Variants in RHOA observed in about 807,000 individuals in gnomAD.
RHOA encodes ras homolog family member A, also known as transforming protein RhoA.
In RHOA, 3 loss-of-function variants were observed where a neutral mutation model predicts 17.5. The ratio of observed to expected loss-of-function variants is 0.17; its 90% CI spans 0.08 to 0.44. The LOEUF is 0.44. Among genes scored for constraint, RHOA ranks in the 20% least tolerant of loss-of-function variants. The pLI is 0.99. For synonymous variants in RHOA, 98 were observed against 88.4 expected (o/e 1.11, Z -0.61); for missense variants, 56 against 242.3 (o/e 0.23, Z 5.10).
intron 1 of RHOA, among the ~76,000 whole-genome samples, chr3:49,396,242 TG>T (rs1559513674): frequency 6.6e-6 from 1 of 152,070 alleles, no homozygotes; most frequent in Non-Finnish European, 1.5e-5. Flanking sequence ...TGAGAAAACG[TG>T]GGCACTGAGA....
chr3:49,403,596 G>A (rs2048763639), intron 1 of RHOA, among the ~76,000 whole-genome samples: 1 of 151,274 alleles, frequency 6.6e-6, no homozygotes, highest in African/African-American at 2.4e-5. Context: ...GCGTGGTGGT[G>A]CACACCTGCA....
intron 1 of RHOA, among the ~76,000 whole-genome samples, chr3:49,384,605 C>G (rs1483813899): frequency 6.6e-6 from 1 of 151,942 alleles, no homozygotes; most frequent in Non-Finnish European, 1.5e-5. Flanking sequence ...CTCCCAGGCT[C>G]AGGTAATCCT....
intron 1 of RHOA, among the ~76,000 whole-genome samples, chr3:49,394,807 G>A (rs1171786565): frequency 6.6e-6 from 1 of 152,172 alleles, no homozygotes; most frequent in African/African-American, 2.4e-5. Context: ...AAGTGATTCT[G>A]CCAGAGAGCT....
At chr3:49,368,888 T>C (rs914135663) in intron 2 of RHOA, among the ~76,000 whole-genome samples, 7 of 151,130 alleles carry the variant, frequency 4.6e-5, no homozygotes, top group Non-Finnish European at 7.4e-5. Context: ...TTTGTATTTT[T>C]AGTAGAGACG....
At chr3:49,373,418 CAT>C (rs2048176972) in intron 2 of RHOA, 1 of 156,920 alleles carries the variant, frequency 6.4e-6, no homozygotes, top group Non-Finnish European at 1.4e-5. Flanking sequence ...GTGTTAGCAG[CAT>C]ATGAGACATA....
chr3:49,371,850 G>T (rs1170093867), intron 2 of RHOA, among the ~76,000 whole-genome samples: 1 of 152,162 alleles, frequency 6.6e-6, no homozygotes, highest in Non-Finnish European at 1.5e-5. Context: ...CAAGATTCTG[G>T]TTGTTCCAAG....
intron 2 of RHOA, among the ~76,000 whole-genome samples, chr3:49,374,140 G>A (rs1012245907): frequency 2.0e-5 from 3 of 150,852 alleles, no homozygotes; most frequent in African/African-American, 7.3e-5. Context: ...CACAAGATCA[G>A]GAGATCGAGA....
At chr3:49,367,612 C>A (rs2048080387) in intron 3 of RHOA, among the ~76,000 whole-genome samples, 1 of 151,730 alleles carries the variant, frequency 6.6e-6, no homozygotes, top group Non-Finnish European at 1.5e-5. Flanking sequence ...ACTTCTGCTT[C>A]CCAGGCTCAA....
At chr3:49,387,117 C>CAAAAA (rs56262356) in intron 1 of RHOA, among the ~76,000 whole-genome samples, 13 of 24,642 alleles carry the variant, frequency 5.3e-4, no homozygotes, top group African/African-American at 7.1e-4. Context: ...AACTCCGTCT[C>CAAAAA]AAAAAAAAAA....
At chr3:49,403,478 G>A (rs1451488759) in intron 1 of RHOA, among the ~76,000 whole-genome samples, 1 of 152,096 alleles carries the variant, frequency 6.6e-6, no homozygotes, top group East Asian at 1.9e-4. Flanking sequence ...GCTTTGTGAG[G>A]TTGAGACGAG....
intron 1 of RHOA, among the ~76,000 whole-genome samples, chr3:49,386,915 C>A (rs1306089987): frequency 1.4e-5 from 2 of 146,878 alleles, no homozygotes; most frequent in African/African-American, 5.1e-5. Flanking sequence ...GAAATCGAGA[C>A]CAGTCTGGCC....
At chr3:49,399,166 A>G (rs1185543) in intron 1 of RHOA, among the ~76,000 whole-genome samples, 2 of 151,174 alleles carry the variant, frequency 1.3e-5, no homozygotes, top group Non-Finnish European at 2.9e-5. Context: ...TCAGGAGATC[A>G]AGACCACCCT....
chr3:49,411,665 C>A (rs2048939343), intron 1 of RHOA, among the ~76,000 whole-genome samples, 155 bp downstream of exon 1: 1 of 151,730 alleles, frequency 6.6e-6, no homozygotes, highest in South Asian at 2.1e-4. Flanking sequence ...GGGGCCCGGG[C>A]TGGGAGTCAG....
intron 1 of RHOA, among the ~76,000 whole-genome samples, chr3:49,388,596 G>A (rs925444075): frequency 4.6e-5 from 7 of 152,066 alleles, no homozygotes; most frequent in Admixed American, 1.3e-4. Flanking sequence ...GCAACTCTCC[G>A]CATTTCACAT....
At chr3:49,407,101 C>G (rs369862290) in intron 1 of RHOA, among the ~76,000 whole-genome samples, 1 of 152,088 alleles carries the variant, frequency 6.6e-6, no homozygotes, top group Admixed American at 6.6e-5. Context: ...GAACAAAGAT[C>G]ACTCACTGCA....
chr3:49,376,748 C>T (rs1040986501), intron 1 of RHOA, among the ~76,000 whole-genome samples: 1 of 151,662 alleles, frequency 6.6e-6, no homozygotes, highest in African/African-American at 2.4e-5. Context: ...CCAAAAAAGT[C>T]ATCGGCAGGT....
At chr3:49,366,938 C>T (rs923829198) in intron 3 of RHOA, 4 of 152,072 alleles carry the variant, frequency 2.6e-5, no homozygotes, top group African/African-American at 7.2e-5. Flanking sequence ...GGCTGCAGCA[C>T]AAGTTTATTA....
chr3:49,410,776 G>C lies in RHOA; in HGVS notation c.-3+1044C>G, dbSNP rs560966221. ...TTGGTTTTTCAATTTTTCTCCTTCAGAAAGGCAGAGTGAAATATCTACTTA... is the reference window on the plus strand; with the variant it reads ...TTGGTTTTTCAATTTTTCTCCTTCACAAAGGCAGAGTGAAATATCTACTTA... On this transcript the variant is annotated intron_variant, in intron 1 of 4. Transcript: ENST00000418115. Among the ~76,000 whole-genome samples, 32 of 152,224 alleles carry C rather than the reference G, an allele frequency of 2.1e-4. No homozygotes were observed. In the East Asian group the frequency reaches 5.8e-3, roughly 28 times the overall value.
At chr3:49,404,816 T>A (rs1344615201) in intron 1 of RHOA, among the ~76,000 whole-genome samples, 1 of 149,330 alleles carries the variant, frequency 6.7e-6, no homozygotes, top group Non-Finnish European at 1.5e-5. Context: ...CATGCACCTG[T>A]AGTCCCAGTT....
Sources: gnomAD v4.1 joint callset for allele counts (sites outside exome capture counted in the v4.1 genomes callset) on GRCh38, gnomAD v4.1.1 for gene constraint, MANE v1.5 for transcripts, NCBI Gene and HGNC (gene_info 2026-07-23, HGNC 2026-07-21) for gene names.